Variants in CTNNA2 observed in about 807,000 individuals in gnomAD.
The protein encoded by CTNNA2 is catenin alpha 2, also known as catenin alpha-2.
A neutral mutation model predicts 101.0 loss-of-function variants in CTNNA2; 42 were observed. The ratio of observed to expected loss-of-function variants is 0.42; its 90% confidence interval spans 0.32 to 0.54. The LOEUF (loss-of-function observed/expected upper bound fraction) is 0.54. Among genes scored for constraint, CTNNA2 ranks in the 20% least tolerant of loss-of-function variants. The pLI, the probability that CTNNA2 is intolerant of heterozygous loss-of-function variation, is 0.14. For synonymous variants in CTNNA2, 450 were observed against 456.4 expected, an observed-to-expected ratio of 0.99 and a Z score of 0.18; for missense variants, 871 against 1,223.1, an observed-to-expected ratio of 0.71 and a Z score of 4.29.
At chr2:80,613,260 T>G (rs1022151888) in intron 17 of CTNNA2, among the ~76,000 whole-genome samples, 4 of 151,490 alleles carry the variant, frequency 2.6e-5, no homozygotes, top group African/African-American at 7.3e-5. Flanking sequence ...CATACCAGTA[T>G]GAATGGTCAT....
chr2:79,902,961 C>A (rs1418111621), intron 6 of CTNNA2, among the ~76,000 whole-genome samples: 2 of 152,130 alleles, frequency 1.3e-5, no homozygotes, highest in Non-Finnish European at 2.9e-5. Context: ...AGTAAATATT[C>A]CAAGGTTTGT....
At chr2:80,014,861 G>A (rs968622641) in intron 7 of CTNNA2, among the ~76,000 whole-genome samples, 2 of 152,170 alleles carry the variant, frequency 1.3e-5, no homozygotes, top group Non-Finnish European at 2.9e-5. Flanking sequence ...CAGCCAATGT[G>A]TACATTCTTT....
intron 7 of CTNNA2, among the ~76,000 whole-genome samples, chr2:79,955,092 T>C (rs186033075): frequency 6.6e-6 from 1 of 152,352 alleles, no homozygotes; most frequent in African/African-American, 2.4e-5. Flanking sequence ...TGCACCAGTT[T>C]AAAGCACATA....
intron 7 of CTNNA2, among the ~76,000 whole-genome samples, chr2:80,200,290 G>C (rs1426251347): frequency 6.6e-6 from 1 of 152,158 alleles, no homozygotes; most frequent in Non-Finnish European, 1.5e-5. Context: ...ACTCTGAATT[G>C]CTTTAGACGA....
At chr2:79,351,152 A>ATTT (rs1179226212) in intron 3 of CTNNA2, among the ~76,000 whole-genome samples, 1 of 152,060 alleles carries the variant, frequency 6.6e-6, no homozygotes, top group Non-Finnish European at 1.5e-5. Context: ...CCATTTGTCT[A>ATTT]TTTTTGTTTC....
intron 7 of CTNNA2, among the ~76,000 whole-genome samples, chr2:79,990,229 G>A (rs1692071888): frequency 6.6e-6 from 1 of 152,150 alleles, no homozygotes; most frequent in Admixed American, 6.5e-5. Context: ...AATGACTGCA[G>A]AATCCGTCCT....
At chr2:80,234,151 A>G (rs754308460) in intron 7 of CTNNA2, among the ~76,000 whole-genome samples, 3 of 151,990 alleles carry the variant, frequency 2.0e-5, no homozygotes, top group Non-Finnish European at 2.9e-5. Flanking sequence ...GGTTCAAGCA[A>G]TTCTCCTGCC....
intron 2 of CTNNA2, among the ~76,000 whole-genome samples, chr2:79,233,027 G>T (rs1441680454): frequency 6.6e-6 from 1 of 151,976 alleles, no homozygotes; most frequent in Non-Finnish European, 1.5e-5. Context: ...CTGATCATTT[G>T]TGTGGACTTT....
chr2:79,859,151 T>C (rs1681383656), intron 4 of CTNNA2, among the ~76,000 whole-genome samples: 1 of 152,080 alleles, frequency 6.6e-6, no homozygotes, highest in Admixed American at 6.6e-5. Context: ...CACATTTTCC[T>C]TTTTGGAGAA....
chr2:80,543,879 A>G (rs190371106), intron 9 of CTNNA2, among the ~76,000 whole-genome samples: 165 of 152,252 alleles, frequency 1.1e-3, no homozygotes, highest in Non-Finnish European at 1.8e-3. Flanking sequence ...TCTGTCTGCT[A>G]ATCACTTGTT....
intron 9 of CTNNA2, among the ~76,000 whole-genome samples, chr2:80,536,731 C>A (rs927498607): frequency 6.6e-5 from 10 of 152,170 alleles, no homozygotes; most frequent in African/African-American, 2.2e-4. Flanking sequence ...GCCTTCCAGG[C>A]ATTTTGGCTT....
chr2:79,265,589 C>A (rs986241531), intron 2 of CTNNA2, among the ~76,000 whole-genome samples: 23 of 152,158 alleles, frequency 1.5e-4, no homozygotes, highest in African/African-American at 5.5e-4. Flanking sequence ...AGAAAAATGA[C>A]ATGAATACAA....
intron 3 of CTNNA2, among the ~76,000 whole-genome samples, chr2:79,341,590 G>A (rs974723768): frequency 1.3e-5 from 2 of 152,152 alleles, no homozygotes; most frequent in African/African-American, 2.4e-5. Context: ...TTTCAAGGAC[G>A]TTTGAATAGC....
At chr2:79,724,659 C>T (rs1036867875) in intron 2 of CTNNA2, among the ~76,000 whole-genome samples, 7 of 151,576 alleles carry the variant, frequency 4.6e-5, no homozygotes, top group African/African-American at 1.7e-4. Flanking sequence ...ACTAAAAATA[C>T]AAAAAATTAG....
intron 6 of CTNNA2, among the ~76,000 whole-genome samples, chr2:79,892,199 G>A (rs1684358730): frequency 6.6e-6 from 1 of 151,984 alleles, no homozygotes; most frequent in Non-Finnish European, 1.5e-5. Context: ...CTTTGATTCT[G>A]TTAAGATTTG....
intron 2 of CTNNA2, among the ~76,000 whole-genome samples, chr2:79,676,240 C>T (rs1408745758): frequency 6.6e-6 from 1 of 152,164 alleles, no homozygotes; most frequent in Non-Finnish European, 1.5e-5. Flanking sequence ...TTTAGTGGAT[C>T]AAGAACTGTA....
chr2:80,570,251 G>GT (rs1694464155), intron 12 of CTNNA2, among the ~76,000 whole-genome samples: 1 of 152,146 alleles, frequency 6.6e-6, no homozygotes, highest in Admixed American at 6.5e-5. Flanking sequence ...GTTTCACCAT[G>GT]TTGCCCAGGC....
At chr2:79,216,128 G>A (rs1196290263) in intron 2 of CTNNA2, among the ~76,000 whole-genome samples, 2 of 152,166 alleles carry the variant, frequency 1.3e-5, no homozygotes, top group Admixed American at 6.6e-5. Context: ...TGGAAAAAAT[G>A]AAAGTGCCAT....
chr2:79,442,655 A>C (rs1413971415), intron 4 of CTNNA2, among the ~76,000 whole-genome samples: 1 of 152,174 alleles, frequency 6.6e-6, no homozygotes, highest in Non-Finnish European at 1.5e-5. Flanking sequence ...TATATAATAA[A>C]ATCACCAATT....
Sources: allele counts gnomAD v4.1 joint callset (sites outside exome capture counted in the v4.1 genomes callset), GRCh38; gene constraint gnomAD v4.1.1; transcripts MANE v1.5; gene names NCBI Gene and HGNC (gene_info 2026-07-23, HGNC 2026-07-21).